Variants in TRMT112 observed in about 807,000 individuals in gnomAD.
TRMT112 encodes multifunctional methyltransferase subunit TRM112-like protein.
TRMT112 carries 9 observed loss-of-function variants against 13.8 expected under a neutral mutation model. The observed-to-expected ratio is 0.65, with a 90% confidence interval of 0.39 to 1.14. The LOEUF is 1.14. TRMT112 is among the 50% of genes most tolerant of loss of function. The pLI is 0.01. For missense variants in TRMT112, 196 were observed against 165.5 expected, an observed-to-expected ratio of 1.18 and a Z score of -1.01; for synonymous variants, 64 against 67.0, an observed-to-expected ratio of 0.96 and a Z score of 0.22.
upstream of TRMT112, chr11:64,318,276 G>A (rs144769220): frequency 6.2e-7 from 1 of 1,612,344 alleles, no homozygotes; most frequent in Non-Finnish European, 8.5e-7. Flanking sequence ...CGTCGGTGGG[G>A]CCGGCGGTCA....
Position 64,317,288 on chromosome 11 carries a change from C to T in TRMT112, c.156G>A (p.Ser52=), listed in dbSNP as rs1404312767. The T allele has an allele frequency of 6.2e-7, 1 of 1,611,916 alleles. No homozygotes were observed. Among genetic ancestry groups the T allele is most frequent in the Non-Finnish European group, 8.5e-7 (1 of 1,178,116 alleles). The part of the protein sequence containing the change: ...VARMIPKVEW[S]AFLEAADNLR... ...CGTTATCGGCCGCCTCCAGGAACGC[C>T]GACCACTCCACTTTAGGTATCATAC... is the stretch of plus-strand genomic sequence containing the variant. The change falls in exon 2 of 4, where the codon TCG becomes TCA. Residue 52 remains serine, a synonymous_variant. Coordinates refer to ENST00000544844, the MANE Select transcript of TRMT112 (RefSeq NM_016404.3).
At chr11:64,318,222 C>A, upstream of TRMT112, 1 of 1,611,632 alleles carries the variant, frequency 6.2e-7, no homozygotes, top group African/African-American at 1.3e-5. Flanking sequence ...GGGTATGGGA[C>A]TAGCTGGCGT....
At chr11:64,318,056 G>A (rs1163199410), upstream of TRMT112, 31 of 1,436,760 alleles carry the variant, frequency 2.2e-5, no homozygotes, top group Non-Finnish European at 2.7e-5. Context: ...CGAGGCGTGG[G>A]TCCCGGAAGC....
At chr11:64,318,416 C>T (rs368851243), upstream of TRMT112, 139 of 1,579,208 alleles carry the variant, frequency 8.8e-5, no homozygotes, top group Non-Finnish European at 1.1e-4. Context: ...GGCCTGACAT[C>T]CCCCACTACC....
Position 64,317,346 on chromosome 11 carries a change from C to T in TRMT112, c.98G>A (p.Cys33Tyr). ...GAAGTTGGGGTTGAATTCCACAGGG[C>T]AGATACGGACCTCGGTGGCCTGCAG... ...LRLQATEVRICPVEFNPNFVA... is the reference protein window; with the variant it reads ...LRLQATEVRIYPVEFNPNFVA... The change falls in exon 2 of 4, where the codon TGC (cysteine) becomes TAC (tyrosine). Residue 33 changes from cysteine (C) to tyrosine (Y), a missense_variant. Cys to Tyr is a radical substitution (Grantham distance 194). Coordinates refer to ENST00000544844, the MANE Select transcript of TRMT112 (RefSeq NM_016404.3). 6.2e-7 allele frequency: 1 copy of T among 1,614,180 alleles called. No individual in the cohort carries two copies. The highest frequency in any genetic ancestry group is 1.1e-5 in the South Asian group (1 of 91,084).
upstream of TRMT112, chr11:64,317,835 C>A (rs942632712): frequency 2.2e-6 from 2 of 908,370 alleles, no homozygotes; most frequent in Middle Eastern, 3.5e-4. Flanking sequence ...TCGTTGAATG[C>A]AAAATAAACA....
At chr11:64,318,125 C>A, upstream of TRMT112, 1 of 1,550,374 alleles carries the variant, frequency 6.5e-7, no homozygotes. Flanking sequence ...GCCCGCCTTC[C>A]GCAGGGTGTC....
chr11:64,317,950 G>C (rs566238550), upstream of TRMT112: 763 of 1,383,954 alleles, frequency 5.5e-4, 14 homozygotes, highest in South Asian at 0.012. Flanking sequence ...CATGGAAGCC[G>C]AGCCGCACCT....
At position 64,317,281 on chromosome 11, in the gene TRMT112, G is replaced by C; in HGVS notation, c.163C>G (p.Leu55Val). Residue 55 changes from leucine (L) to valine (V), a missense_variant, in exon 2 of 4, where the codon CTG becomes GTG. Transcript: ENST00000544844. ...ATCCTCACGTTATCGGCCGCCTCCA[G>C]GAACGCCGACCACTCCACTTTAGGT... ...MIPKVEWSAF[L>V]EAADNLRLIQ... 1 of 1,611,516 alleles carries C rather than the reference G, an allele frequency of 6.2e-7. No homozygotes were observed. Among genetic ancestry groups the C allele is most frequent in the East Asian group, 2.2e-5 (1 of 44,796 alleles).
At position 64,317,509 on chromosome 11, in the gene TRMT112, G is replaced by A. The variant is rs2135269915; in HGVS notation, c.18C>T (p.His6=). The change falls in exon 1 of 4, where the codon CAC becomes CAT. Residue 6 remains histidine, a synonymous_variant. Transcript: ENST00000544844. ...CCCGCACATGCGAGCTCAGCAGATT[G>A]TGGGTAAGCAGTTTCATGTCGCCGC... The part of the protein sequence containing the change: MKLLT[H]NLLSSHVRGV... 2 of 1,587,696 alleles carry A rather than the reference G, an allele frequency of 1.3e-6. No individual in the cohort carries two copies. The highest frequency in any genetic ancestry group is 8.6e-7 in the Non-Finnish European group (1 of 1,162,828).
At chr11:64,318,004 C>T (rs763199295), upstream of TRMT112, 330 of 1,412,380 alleles carry the variant, frequency 2.3e-4, no homozygotes, top group Non-Finnish European at 2.8e-4. Flanking sequence ...GAAAGCTCCG[C>T]CCCATTTGTA....
In TRMT112 at chr11:64,316,746, C is replaced by T; in HGVS notation, c.*115G>A. The T allele has an allele frequency of 1.4e-6, 1 of 719,402 alleles. No individual in the cohort carries two copies. The highest frequency in any genetic ancestry group is 2.5e-6 in the Non-Finnish European group (1 of 404,814). The allele number at this position is 719,402 out of a possible 1,614,324, so 44.6% of individuals were successfully genotyped here. On this transcript the variant is annotated 3_prime_UTR_variant, in exon 4 of 4. Coordinates refer to ENST00000544844, the MANE Select transcript of TRMT112 (RefSeq NM_016404.3). ...ATATATAATACCGAGCTCAAAAACACTGTGTTTGGTGTCATTGGGTCAAGG... is the reference window on the plus strand; with the variant it reads ...ATATATAATACCGAGCTCAAAAACATTGTGTTTGGTGTCATTGGGTCAAGG...
upstream of TRMT112, chr11:64,317,757 G>A: frequency 1.3e-6 from 1 of 758,086 alleles, no homozygotes; most frequent in Non-Finnish European, 2.0e-6. Flanking sequence ...CGCACGCCCA[G>A]CTTTTTTTTG....
At position 64,317,097 on chromosome 11, in the gene TRMT112, A is replaced by T. The variant is rs746155499; in HGVS notation, c.231T>A (p.Asn77Lys). ...PKGPVEGYEE[N>K]EEFLRTMHHL... is the part of the protein sequence containing the mutation. ...GGTGCATGGTCCTCAGAAACTCCTC[A>T]TTCTCCTCATATCCCTCAACCGGCC... Residue 77 changes from asparagine to lysine, a missense_variant, in exon 3 of 4, where the codon AAT (asparagine) becomes AAA (lysine). By Grantham distance (94) the Asn-to-Lys change is moderately conservative (BLOSUM62 0). Coordinates refer to ENST00000544844, the MANE Select transcript of TRMT112 (RefSeq NM_016404.3). 1.9e-6 allele frequency: 3 copies of T among 1,613,894 alleles called. No homozygotes were observed. The highest frequency in any genetic ancestry group is 2.7e-5 in the African/African-American group (2 of 74,844).
At chr11:64,318,360 G>A, upstream of TRMT112, 1 of 1,610,096 alleles carries the variant, frequency 6.2e-7, no homozygotes, top group Non-Finnish European at 8.5e-7. Context: ...TTTCAGCAGA[G>A]CCGCTGCAGC....
chr11:64,317,853 C>T (rs1051796325), upstream of TRMT112: 1 of 1,022,578 alleles, frequency 9.8e-7, no homozygotes, highest in Non-Finnish European at 1.3e-6. Flanking sequence ...ACACATTTTA[C>T]TCCTACACAG....
At chr11:64,317,659 C>A, upstream of TRMT112, 5 of 1,042,432 alleles carry the variant, frequency 4.8e-6, no homozygotes, top group Non-Finnish European at 6.8e-6. Context: ...TGGAACTTCT[C>A]GTGTTTGTGG....
Position 64,317,365 on chromosome 11 carries a change from C to T in TRMT112, c.79G>A (p.Ala27Thr). ...GSRGFPLRLQ[A>T]TEVRICPVEF... ...ACAGGGCAGATACGGACCTCGGTGG[C>T]CTGCAGGGCGGAGGAGTTTAGGCAA... The change falls in exon 2 of 4, where the codon GCC becomes ACC. Residue 27 changes from alanine to threonine, a missense_variant and splice_region_variant. By Grantham distance (58) the Ala-to-Thr change is moderately conservative (BLOSUM62 0). Coordinates refer to ENST00000544844, the MANE Select transcript of TRMT112 (RefSeq NM_016404.3). The T allele has an allele frequency of 1.2e-6, 2 of 1,614,142 alleles. No individual in the cohort carries two copies. The highest frequency in any genetic ancestry group is 4.5e-5 in the East Asian group (2 of 44,876).
chr11:64,317,888 AT>A (rs1361610228), upstream of TRMT112: 8 of 1,305,416 alleles, frequency 6.1e-6, no homozygotes, highest in Admixed American at 2.9e-4. Flanking sequence ...CGTCCTCTGT[AT>A]CCCACTTTCG....
Sources: allele counts gnomAD v4.1 joint callset, GRCh38; gene constraint gnomAD v4.1.1; transcripts MANE v1.5; gene names NCBI Gene and HGNC (gene_info 2026-07-23, HGNC 2026-07-21).